The following PAPOLG variants were observed in gnomAD, a reference collection of about 807,000 sequenced individuals.
PAPOLG encodes the protein PAP-gamma.
In PAPOLG, 40 loss-of-function variants were observed where a neutral mutation model predicts 99.0. The observed-to-expected ratio is 0.40, with a 90% CI of 0.31 to 0.53. The LOEUF (loss-of-function observed/expected upper bound fraction) is 0.53, where lower values mean the gene tolerates loss of function less well. Among genes scored for constraint, PAPOLG ranks in the 20% least tolerant of loss-of-function variants. The pLI is 0.41. For missense variants in PAPOLG, 675 were observed against 884.1 expected (o/e 0.76, Z 3.00); for synonymous variants, 310 against 299.3 (o/e 1.04, Z -0.37).
At chr2:60,770,912 C>T (rs1180257383) in intron 6 of PAPOLG, among the ~76,000 whole-genome samples, 6 of 152,270 alleles carry the variant, frequency 3.9e-5, no homozygotes, top group South Asian at 2.1e-4. Flanking sequence ...CATGAGCCAC[C>T]GCGCCTGGCC....
At position 60,758,918 on chromosome 2, in the gene PAPOLG, T is replaced by C. The variant is rs563441925; in HGVS notation, c.18-1216T>C. 2.0e-5 allele frequency among the ~76,000 whole-genome samples: 3 copies of C among 152,352 alleles called. No homozygotes were observed. The South Asian group carries it at 6.2e-4, about 32-fold the overall frequency. Reference sequence around the variant, plus strand: ...GAGATTACATTCTTACTCTTGGTGTTAATGGCCCTTCATGGAAGCATGGTG... The same window carrying C: ...GAGATTACATTCTTACTCTTGGTGTCAATGGCCCTTCATGGAAGCATGGTG... On this transcript the variant is annotated intron_variant, in intron 1 of 21. Transcript: ENST00000238714.
chr2:60,792,878 A>T (rs1671582310), intron 17 of PAPOLG, among the ~76,000 whole-genome samples: 1 of 152,120 alleles, frequency 6.6e-6, no homozygotes, highest in Non-Finnish European at 1.5e-5. Context: ...TCTACTAAAA[A>T]TGCAAAAATT....
At chr2:60,759,108 C>G (rs1670446023) in intron 1 of PAPOLG, among the ~76,000 whole-genome samples, 2 of 152,026 alleles carry the variant, frequency 1.3e-5, no homozygotes, top group Non-Finnish European at 2.9e-5. Context: ...GGGGCTCACG[C>G]CTGTGATCCC....
chr2:60,777,380 C>A (rs527564205), intron 8 of PAPOLG, among the ~76,000 whole-genome samples: 13 of 152,248 alleles, frequency 8.5e-5, no homozygotes, highest in Non-Finnish European at 1.8e-4. Context: ...CACTTGAACC[C>A]AGGAGGCAGA....
chr2:60,797,025 T>A, intron 21 of PAPOLG, 37 bp from the exon 22 acceptor site: 1 of 1,612,232 alleles, frequency 6.2e-7, no homozygotes, highest in Non-Finnish European at 8.5e-7. Context: ...ATATATGATG[T>A]GCTTTTCCTT....
chr2:60,788,744 C>G (rs1671441845), intron 15 of PAPOLG, among the ~76,000 whole-genome samples: 1 of 152,086 alleles, frequency 6.6e-6, no homozygotes, highest in African/African-American at 2.4e-5. Flanking sequence ...GCTTGTAATC[C>G]TAATACTTTG....
At chr2:60,790,410 A>C (rs1305927517) in intron 15 of PAPOLG, among the ~76,000 whole-genome samples, 1 of 152,226 alleles carries the variant, frequency 6.6e-6, no homozygotes, top group Non-Finnish European at 1.5e-5. Context: ...CAAGCCTCCC[A>C]TCCCTGTCTT....
chr2:60,756,313 T>G lies in PAPOLG; in HGVS notation c.-166T>G. ...ATTGTCATAAATAGAGCCGGTTTTG[T>G]GGTGTTTTCACTACTCGGTTGGATG... On this transcript the variant is annotated 5_prime_UTR_variant, in exon 1 of 22. Transcript: ENST00000238714. The G allele has an allele frequency of 1.3e-6, 1 of 789,686 alleles. No homozygotes were observed. Among genetic ancestry groups the G allele is most frequent in the Non-Finnish European group, 2.2e-6 (1 of 461,528 alleles). The allele number at this position is 789,686 out of a possible 1,614,324, so 48.9% of individuals were successfully genotyped here. A position where few individuals can be genotyped will look rare whatever the true frequency, so the allele number is the denominator to read the frequency against.
At chr2:60,778,957 G>GA (rs1671108761) in intron 8 of PAPOLG, among the ~76,000 whole-genome samples, 1 of 152,042 alleles carries the variant, frequency 6.6e-6, no homozygotes, top group Non-Finnish European at 1.5e-5. Flanking sequence ...CCATGGTGGT[G>GA]CACCCCTGTA....
At chr2:60,766,949 A>T (rs1365836499) in intron 3 of PAPOLG, among the ~76,000 whole-genome samples, 1 of 152,206 alleles carries the variant, frequency 6.6e-6, no homozygotes, top group Non-Finnish European at 1.5e-5. Flanking sequence ...TTTGAGTACA[A>T]CAACTATATT....
At chr2:60,781,594 A>G (rs988344170) in intron 10 of PAPOLG, among the ~76,000 whole-genome samples, 42 of 152,196 alleles carry the variant, frequency 2.8e-4, no homozygotes, top group African/African-American at 8.9e-4. Flanking sequence ...TGCTTTTTGT[A>G]GTTATAATAC....
chr2:60,782,564 GA>G (rs34284101), intron 11 of PAPOLG, 121 bp from the exon 12 acceptor site: 866,449 of 1,218,838 alleles, frequency 0.71, 299,260 homozygotes, highest in South Asian at 0.81. Flanking sequence ...CTCAAAAAAA[GA>G]AAAAAAAAAA....
At chr2:60,769,820 G>C (rs1243567851) in intron 5 of PAPOLG, among the ~76,000 whole-genome samples, 1 of 151,928 alleles carries the variant, frequency 6.6e-6, no homozygotes, top group African/African-American at 2.4e-5. Flanking sequence ...TGTTACATAG[G>C]TATACATGTG....
At chr2:60,765,235 CTTTTTTTTT>C (rs557009182) in intron 3 of PAPOLG, among the ~76,000 whole-genome samples, 1 of 119,846 alleles carries the variant, frequency 8.3e-6, no homozygotes, top group Non-Finnish European at 1.7e-5. Flanking sequence ...TGCCTAGCTA[CTTTTTTTTT>C]TTTTTTTTTT....
Position 60,801,930 on chromosome 2 carries a change from A to G in PAPOLG, c.*4770A>G, listed in dbSNP as rs1671839709. On this transcript the variant is annotated 3_prime_UTR_variant, in exon 22 of 22. Coordinates refer to ENST00000238714, the MANE Select transcript of PAPOLG (RefSeq NM_022894.4). ...CTACATCACTCTACAGTACTATGTAAAATGAATGGAGCTGCTGTTCCTTTC... is the reference window on the plus strand; with the variant it reads ...CTACATCACTCTACAGTACTATGTAGAATGAATGGAGCTGCTGTTCCTTTC... 2 of 152,384 alleles carry G rather than the reference A, an allele frequency of 1.3e-5. No individual in the cohort carries two copies. Among genetic ancestry groups the G allele is most frequent in the African/African-American group, 4.8e-5 (2 of 41,470 alleles). 9.4% of individuals were successfully genotyped at this position (152,384 alleles called of 1,614,324 possible).
At chr2:60,774,101 G>GC (rs1553377518) in intron 7 of PAPOLG, among the ~76,000 whole-genome samples, 1 of 143,666 alleles carries the variant, frequency 7.0e-6, no homozygotes, top group Non-Finnish European at 1.6e-5. Flanking sequence ...TTTGTTTTTT[G>GC]TTTTTTTTTT....
intron 8 of PAPOLG, among the ~76,000 whole-genome samples, chr2:60,778,406 G>C (rs1671086830): frequency 6.6e-6 from 1 of 151,914 alleles, no homozygotes; most frequent in Non-Finnish European, 1.5e-5. Flanking sequence ...TCAAACTCCT[G>C]AGCTCAACCA....
chr2:60,781,968 A>C lies in PAPOLG; in HGVS notation c.990A>C (p.Thr330=). Residue 330 remains threonine (T), a synonymous_variant, in exon 11 of 22, where the codon ACA becomes ACC. Transcript: ENST00000238714. The part of the protein sequence containing the change: ...PQQNSTYNVS[T]STRTVMVEEF... ...AGAATTCTACGTATAATGTGTCCAC[A>C]TCAACTCGAACAGTAATGGTAGAAG... 1 of 1,614,024 alleles carries C rather than the reference A, an allele frequency of 6.2e-7. No individual in the cohort carries two copies. The highest frequency in any genetic ancestry group is 8.5e-7 in the Non-Finnish European group (1 of 1,179,920).
At chr2:60,790,945 T>C (rs1671512697) in intron 15 of PAPOLG, among the ~76,000 whole-genome samples, 1 of 152,002 alleles carries the variant, frequency 6.6e-6, no homozygotes, top group South Asian at 2.1e-4. Flanking sequence ...AAAAAGTAGC[T>C]GGGCATGGTG....
Sources: allele counts gnomAD v4.1 joint callset (sites outside exome capture counted in the v4.1 genomes callset), GRCh38; gene constraint gnomAD v4.1.1; transcripts MANE v1.5; gene names NCBI Gene and HGNC (gene_info 2026-07-23, HGNC 2026-07-21).